The following MAGI2 variants were observed in gnomAD, a reference collection of about 807,000 sequenced individuals.
MAGI2 encodes membrane associated guanylate kinase, WW and PDZ domain containing 2, also known as membrane-associated guanylate kinase, WW and PDZ domain-containing protein 2.
MAGI2 carries 35 observed loss-of-function variants against 133.3 expected under a neutral mutation model. That is an observed-to-expected ratio of 0.26 (90% CI 0.20 to 0.35). MAGI2 has a LOEUF of 0.35. MAGI2 is among the 10% of genes least tolerant of loss of function. MAGI2 has a pLI of 1.00. For synonymous variants in MAGI2, 729 were observed against 710.6 expected, an observed-to-expected ratio of 1.03 and a Z score of -0.41; for missense variants, 1,636 against 1,863.4, an observed-to-expected ratio of 0.88 and a Z score of 2.25.
At chr7:78,786,292 C>G (rs1384349714) in intron 2 of MAGI2, among the ~76,000 whole-genome samples, 1 of 152,178 alleles carries the variant, frequency 6.6e-6, no homozygotes, top group Non-Finnish European at 1.5e-5. Context: ...AAGCTACTCT[C>G]ATGTGTAATA....
intron 2 of MAGI2, among the ~76,000 whole-genome samples, chr7:78,690,275 G>A (rs1271955881): frequency 6.6e-6 from 1 of 152,154 alleles, no homozygotes; most frequent in Non-Finnish European, 1.5e-5. Flanking sequence ...TCACAATGTG[G>A]TGAACTTGAG....
chr7:78,747,721 C>A (rs34917807), intron 2 of MAGI2, among the ~76,000 whole-genome samples: 3,164 of 152,250 alleles, frequency 0.021, 46 homozygotes, highest in Non-Finnish European at 0.031. Flanking sequence ...TTACTCAAAG[C>A]TGCATCCGTG....
intron 1 of MAGI2, among the ~76,000 whole-genome samples, chr7:79,234,917 T>C (rs1287857393): frequency 1.1e-4 from 16 of 152,028 alleles, no homozygotes; most frequent in African/African-American, 1.7e-4. Context: ...TTCCCTATCT[T>C]TGTGGTTTTA....
intron 3 of MAGI2, among the ~76,000 whole-genome samples, chr7:78,592,733 G>A (rs1804145342): frequency 6.6e-6 from 1 of 151,808 alleles, no homozygotes; most frequent in Non-Finnish European, 1.5e-5. Flanking sequence ...TCCATGATTT[G>A]GAGACCTGGG....
At chr7:78,860,531 G>T (rs537798574) in intron 2 of MAGI2, among the ~76,000 whole-genome samples, 1 of 152,304 alleles carries the variant, frequency 6.6e-6, no homozygotes, top group South Asian at 2.1e-4. Context: ...GTTTGCCTGG[G>T]TATCACCAGC....
chr7:78,044,232 T>C (rs978186294), intron 21 of MAGI2, among the ~76,000 whole-genome samples: 1 of 152,244 alleles, frequency 6.6e-6, no homozygotes, highest in Non-Finnish European at 1.5e-5. Flanking sequence ...TTTAAGTTTG[T>C]CATCCATTAT....
chr7:78,243,422 T>C (rs1391354927), intron 10 of MAGI2, among the ~76,000 whole-genome samples: 2 of 152,224 alleles, frequency 1.3e-5, no homozygotes, highest in Non-Finnish European at 1.5e-5. Flanking sequence ...GTATTAGCAC[T>C]GTTATATTAA....
intron 2 of MAGI2, among the ~76,000 whole-genome samples, chr7:78,629,518 C>G (rs1808739740): frequency 6.6e-6 from 1 of 152,080 alleles, no homozygotes; most frequent in African/African-American, 2.4e-5. Context: ...ATGAAAAAAC[C>G]AGAATCTCTT....
chr7:78,599,893 T>C (rs1257121869), intron 3 of MAGI2, among the ~76,000 whole-genome samples: 1 of 152,178 alleles, frequency 6.6e-6, no homozygotes, highest in Non-Finnish European at 1.5e-5. Flanking sequence ...TCTCTCTGAA[T>C]TCTGCATTTG....
chr7:78,863,351 A>T (rs1393154161), intron 2 of MAGI2, among the ~76,000 whole-genome samples: 1 of 152,178 alleles, frequency 6.6e-6, no homozygotes. Context: ...ATCTGGTGAA[A>T]GCCTCAGGCT....
Position 78,799,199 on chromosome 7 carries a change from G to A in MAGI2, c.419-171960C>T, listed in dbSNP as rs139574730. 3.8e-4 allele frequency among the ~76,000 whole-genome samples: 58 copies of A among 152,180 alleles called. 1 individual carries two copies. Among genetic ancestry groups the A allele is most frequent in the Non-Finnish European group, 6.3e-4 (43 of 67,992 alleles). ...CTACAGTTTTCATGAAATAGGCAGC[G>A]GACAACTATTGAGATATGCTTGGTG... is the stretch of plus-strand genomic sequence containing the variant. On this transcript the variant is annotated intron_variant, in intron 2 of 21. Transcript: ENST00000354212.
At position 79,420,809 on chromosome 7, in the gene MAGI2, T is replaced by C. The variant is rs566250623; in HGVS notation, c.301+32211A>G. 1.3e-3 allele frequency among the ~76,000 whole-genome samples: 202 copies of C among 152,158 alleles called. 1 individual carries two copies. The highest frequency in any genetic ancestry group is 1.6e-3 in the Admixed American group (25 of 15,266). On this transcript the variant is annotated intron_variant, in intron 1 of 21. Transcript: ENST00000354212. ...AAATCCAGAGGATGCCAGCCTTTAC[T>C]CTGACATCATATGAACTTGGACATT... is the stretch of plus-strand genomic sequence containing the variant.
intron 1 of MAGI2, among the ~76,000 whole-genome samples, chr7:79,216,078 A>G (rs1028093441): frequency 2.0e-5 from 3 of 151,814 alleles, no homozygotes; most frequent in Non-Finnish European, 4.4e-5. Flanking sequence ...ACATCCCTCT[A>G]TCCTGTAACC....
intron 1 of MAGI2, among the ~76,000 whole-genome samples, chr7:79,047,727 A>G (rs1183351156): frequency 6.6e-6 from 1 of 152,186 alleles, no homozygotes; most frequent in African/African-American, 2.4e-5. Flanking sequence ...ATTATCACCT[A>G]GTATTATGAT....
At chr7:78,824,236 TG>T (rs1361016460) in intron 2 of MAGI2, among the ~76,000 whole-genome samples, 1 of 152,180 alleles carries the variant, frequency 6.6e-6, no homozygotes, top group Non-Finnish European at 1.5e-5. Context: ...ATAAAAGTGA[TG>T]GAGATTCATG....
intron 9 of MAGI2, among the ~76,000 whole-genome samples, chr7:78,262,211 T>G (rs1415146215): frequency 2.6e-5 from 4 of 152,122 alleles, no homozygotes; most frequent in African/African-American, 9.7e-5. Context: ...AAATTATGTA[T>G]TAATAGAAAT....
chr7:78,877,691 T>TA (rs1482539282), intron 2 of MAGI2, among the ~76,000 whole-genome samples: 1 of 152,004 alleles, frequency 6.6e-6, no homozygotes, highest in South Asian at 2.1e-4. Flanking sequence ...ATGGCAATAA[T>TA]AAAAAAATTA....
intron 6 of MAGI2, among the ~76,000 whole-genome samples, chr7:78,411,817 A>T (rs1162278980): frequency 6.6e-6 from 1 of 152,002 alleles, no homozygotes; most frequent in Non-Finnish European, 1.5e-5. Context: ...TGCATATCAA[A>T]CCCTGATTCT....
intron 6 of MAGI2, among the ~76,000 whole-genome samples, chr7:78,382,776 T>G (rs927703599): frequency 2.0e-4 from 30 of 152,018 alleles, no homozygotes; most frequent in Admixed American, 1.6e-3. Context: ...CACTCACCTT[T>G]CATAGTCTTT....
Sources: gnomAD v4.1 joint callset for allele counts (sites outside exome capture counted in the v4.1 genomes callset) on GRCh38, gnomAD v4.1.1 for gene constraint, MANE v1.5 for transcripts, NCBI Gene and HGNC (gene_info 2026-07-23, HGNC 2026-07-21) for gene names.